RRP12: variants seen among roughly 807,000 people sequenced by gnomAD.
RRP12 encodes RRP12-like protein.
Under a neutral mutation model 157.3 loss-of-function variants are expected in RRP12, and 78 were observed. The ratio of observed to expected loss-of-function variants is 0.50; its 90% CI spans 0.41 to 0.60. The LOEUF is 0.60. Among genes scored for constraint, RRP12 ranks in the 20% least tolerant of loss-of-function variants. The probability of loss-of-function intolerance (pLI) is 0.00; values close to 1 mark genes in which losing one functional copy is unlikely to be tolerated. For missense variants in RRP12, 1,521 were observed against 1,679.9 expected (o/e 0.91, Z 1.65); for synonymous variants, 726 against 670.9 (o/e 1.08, Z -1.27).
rs772648320 is a variant in RRP12 at position 97,370,816 on chromosome 10, A to T, written c.2503-20T>A. 10 of 1,612,520 alleles carry T rather than the reference A, an allele frequency of 6.2e-6. No individual in the cohort carries two copies. Among genetic ancestry groups the T allele is most frequent in the African/African-American group, 1.3e-5 (1 of 74,904 alleles). On this transcript the variant is annotated intron_variant, in intron 21 of 33. Coordinates refer to ENST00000370992, the MANE Select transcript of RRP12 (RefSeq NM_015179.4). Reference sequence around the variant, plus strand: ...ACGGGGCTGTGGGCAAAGGGCTACCAGTCAGGACCCCTCAATGCTACCTCC... The same window carrying T: ...ACGGGGCTGTGGGCAAAGGGCTACCTGTCAGGACCCCTCAATGCTACCTCC...
At chr10:97,387,728 G>T (rs1216111191) in intron 8 of RRP12, among the ~76,000 whole-genome samples, 1 of 151,564 alleles carries the variant, frequency 6.6e-6, no homozygotes, top group Non-Finnish European at 1.5e-5. Context: ...ATCACCTGAG[G>T]TTGGGAGTTC....
intron 24 of RRP12, 54 bp downstream of exon 24, chr10:97,370,113 G>T: frequency 1.6e-6 from 2 of 1,238,444 alleles, no homozygotes; most frequent in Non-Finnish European, 2.3e-6. Context: ...CTGACCTTTT[G>T]GGCATCTTCC....
rs1303865912 is a variant in RRP12 at position 97,379,374 on chromosome 10, T to C, written c.1717A>G (p.Ile573Val). ...DFPRSWLLPV[I>V]RDHVQETRLG... ...CGCGTTTCCTGAACATGGTCTCGGA[T>C]GACAGGCAGCAGCCAGCTCCGTGGG... The change falls in exon 15 of 34, where the codon ATC becomes GTC. Residue 573 changes from isoleucine to valine, a missense_variant. Coordinates refer to ENST00000370992, the MANE Select transcript of RRP12 (RefSeq NM_015179.4). The C allele has an allele frequency of 1.2e-6, 2 of 1,614,086 alleles. No homozygotes were observed. The highest frequency in any genetic ancestry group is 8.5e-7 in the Non-Finnish European group (1 of 1,179,970).
In RRP12 at chr10:97,401,325, C is replaced by G. The variant is rs966718145; in HGVS notation, c.-94G>C. ...ACCCACGTGGATACCCTGTAGCCTTCACTTCCTCTTCTTCTGGCGTCACTT... is the reference window on the plus strand; with the variant it reads ...ACCCACGTGGATACCCTGTAGCCTTGACTTCCTCTTCTTCTGGCGTCACTT... On this transcript the variant is annotated 5_prime_UTR_variant, in exon 1 of 34. Coordinates refer to ENST00000370992, the MANE Select transcript of RRP12 (RefSeq NM_015179.4). The G allele has an allele frequency of 6.8e-7, 1 of 1,476,824 alleles. No homozygotes were observed. The highest frequency in any genetic ancestry group is 9.3e-7 in the Non-Finnish European group (1 of 1,076,024). 91.5% of individuals were successfully genotyped at this position (1,476,824 alleles called of 1,614,324 possible). A position where few individuals can be genotyped will look rare whatever the true frequency, so the allele number is the denominator to read the frequency against.
intron 13 of RRP12, among the ~76,000 whole-genome samples, chr10:97,380,315 T>C (rs1844430740): frequency 6.6e-6 from 1 of 152,200 alleles, no homozygotes; most frequent in African/African-American, 2.4e-5. Context: ...CTGTCTCTGC[T>C]GATGCGGGAC....
chr10:97,359,878 C>T (rs573880692), intron 31 of RRP12, among the ~76,000 whole-genome samples: 1 of 152,360 alleles, frequency 6.6e-6, no homozygotes, highest in African/African-American at 2.4e-5. Flanking sequence ...TGAGGTTGTG[C>T]AGCTGCGTTA....
At chr10:97,363,828 GC>G (rs1161139758) in intron 30 of RRP12, 25 bp downstream of exon 30, 14 of 1,605,446 alleles carry the variant, frequency 8.7e-6, no homozygotes, top group African/African-American at 1.3e-5. Context: ...TGAAGCCCTA[GC>G]CCCCCATCTG....
Position 97,369,484 on chromosome 10 carries a change from T to G in RRP12, c.2896A>C (p.Ile966Leu). 1 of 1,611,028 alleles carries G rather than the reference T, an allele frequency of 6.2e-7. No homozygotes were observed. The highest frequency in any genetic ancestry group is 8.5e-7 in the Non-Finnish European group (1 of 1,178,724). The change falls in exon 25 of 34, where the codon ATC (isoleucine) becomes CTC (leucine). Residue 966 changes from isoleucine to leucine, a missense_variant. By Grantham distance (5) the Ile-to-Leu change is conservative (BLOSUM62 2). Coordinates refer to ENST00000370992, the MANE Select transcript of RRP12 (RefSeq NM_015179.4). ...TCCATGACAGTCACTGCCACCTTGA[T>G]GAAGCCCAGTGCAGACTTGACCACG... Reference protein sequence around the residue: ...RDVVKSALGFIKVAVTVMDVA... With the variant: ...RDVVKSALGFLKVAVTVMDVA...
intron 30 of RRP12, among the ~76,000 whole-genome samples, chr10:97,362,296 C>T (rs1843865511): frequency 6.6e-6 from 1 of 152,060 alleles, no homozygotes; most frequent in African/African-American, 2.4e-5. Flanking sequence ...GGTCGGTTCT[C>T]CCCGGCCAGG....
intron 11 of RRP12, 34 bp downstream of exon 11, chr10:97,381,680 TG>T: frequency 6.4e-7 from 1 of 1,554,968 alleles, no homozygotes; most frequent in Non-Finnish European, 8.9e-7. Flanking sequence ...TAGAACCCCC[TG>T]TGCTCTCTGC....
chr10:97,369,922 T>C (rs1684830898), intron 24 of RRP12, among the ~76,000 whole-genome samples: 1 of 152,196 alleles, frequency 6.6e-6, no homozygotes, highest in African/African-American at 2.4e-5. Flanking sequence ...GACAATGGGA[T>C]GCAGGGCCAC....
At chr10:97,364,144 T>C (rs1234947065) in intron 29 of RRP12, among the ~76,000 whole-genome samples, 2 of 152,156 alleles carry the variant, frequency 1.3e-5, no homozygotes, top group Admixed American at 1.3e-4. Context: ...GTGATCCTAC[T>C]TTTGAGGTGA....
chr10:97,390,931 A>T lies in RRP12; in HGVS notation c.531-87T>A. ...CTCGTGGTACTAAGGAGGACAGGGC[A>T]AGGGGCGCTGGTGGCACAGTCACTC... is the stretch of plus-strand genomic sequence containing the variant. On this transcript the variant is annotated intron_variant, in intron 4 of 33. Coordinates refer to ENST00000370992, the MANE Select transcript of RRP12 (RefSeq NM_015179.4). 2 of 868,164 alleles carry T rather than the reference A, an allele frequency of 2.3e-6. 1 individual carries two copies. The highest frequency in any genetic ancestry group is 2.7e-5 in the South Asian group (2 of 75,228). 53.8% of individuals were successfully genotyped at this position (868,164 alleles called of 1,614,324 possible). A position where few individuals can be genotyped will look rare whatever the true frequency, so the allele number is the denominator to read the frequency against.
At chr10:97,393,076 C>A (rs1411228940) in intron 4 of RRP12, 2 of 257,152 alleles carry the variant, frequency 7.8e-6, no homozygotes, top group East Asian at 1.9e-4. Flanking sequence ...GGGGTTTCAC[C>A]ATGTTGGCCA....
At chr10:97,380,727 G>T in intron 13 of RRP12, 72 bp downstream of exon 13, 3 of 1,074,352 alleles carry the variant, frequency 2.8e-6, no homozygotes, top group Non-Finnish European at 4.3e-6. Context: ...ACAGAGACAC[G>T]TGCCCTCCAG....
intron 15 of RRP12, among the ~76,000 whole-genome samples, chr10:97,375,038 G>A (rs1325328588): frequency 6.6e-6 from 1 of 152,060 alleles, no homozygotes; most frequent in South Asian, 2.1e-4. Context: ...GTGTCTGTTC[G>A]ACTCACCATC....
chr10:97,386,338 T>C (rs989548133), intron 8 of RRP12, among the ~76,000 whole-genome samples: 13 of 149,940 alleles, frequency 8.7e-5, no homozygotes, highest in Non-Finnish European at 1.8e-4. Flanking sequence ...TACAGGTGCA[T>C]GCCACTGTGC....
intron 25 of RRP12, among the ~76,000 whole-genome samples, chr10:97,367,978 C>T (rs1338859205): frequency 1.3e-5 from 2 of 151,540 alleles, no homozygotes; most frequent in African/African-American, 4.9e-5. Context: ...GCGATCCGCC[C>T]ACCTTGGCCT....
At chr10:97,358,505 C>T (rs1039242142) in intron 33 of RRP12, 32 bp downstream of exon 33, 2 of 1,558,802 alleles carry the variant, frequency 1.3e-6, no homozygotes, top group Admixed American at 1.7e-5. Context: ...ACCCATCCTC[C>T]AGCCCCCAGC....
Sources: gnomAD v4.1 joint callset for allele counts (sites outside exome capture counted in the v4.1 genomes callset) on GRCh38, gnomAD v4.1.1 for gene constraint, MANE v1.5 for transcripts, NCBI Gene and HGNC (gene_info 2026-07-23, HGNC 2026-07-21) for gene names.